Variants in ZMAT5 observed in about 807,000 individuals in gnomAD.
ZMAT5 encodes zinc finger matrin-type 5, also known as zinc finger matrin-type protein 5.
Under a neutral mutation model 28.0 loss-of-function variants are expected in ZMAT5, and 23 were observed. That is an observed-to-expected ratio of 0.82 (90% confidence interval 0.59 to 1.16). The LOEUF is 1.16. Ranked by LOEUF, ZMAT5 falls within the 50% of genes most tolerant of loss-of-function variation. The pLI is 0.00. For synonymous variants in ZMAT5, 76 were observed against 84.1 expected, an observed-to-expected ratio of 0.90 and a Z score of 0.52; for missense variants, 173 against 212.7, an observed-to-expected ratio of 0.81 and a Z score of 1.16.
intron 1 of ZMAT5, among the ~76,000 whole-genome samples, chr22:29,756,120 C>T (rs1445766233): frequency 6.6e-6 from 1 of 152,248 alleles, no homozygotes; most frequent in Non-Finnish European, 1.5e-5. Context: ...TTATCCTGGA[C>T]TTGTGCTCAC....
At chr22:29,748,025 TG>T (rs1366688798) in intron 2 of ZMAT5, 3 of 304,498 alleles carry the variant, frequency 9.9e-6, no homozygotes, top group Non-Finnish European at 2.0e-5. Context: ...AGAGCCAGCT[TG>T]AGCCCTACCA....
intron 1 of ZMAT5, among the ~76,000 whole-genome samples, chr22:29,752,492 C>G (rs2147230970): frequency 6.6e-6 from 1 of 152,296 alleles, no homozygotes; most frequent in Middle Eastern, 3.4e-3. Flanking sequence ...CACCCATCAT[C>G]TAGCACATGA....
At chr22:29,756,093 T>C (rs2068099182) in intron 1 of ZMAT5, among the ~76,000 whole-genome samples, 1 of 152,382 alleles carries the variant, frequency 6.6e-6, no homozygotes, top group South Asian at 2.1e-4. Flanking sequence ...GGCCAGGGGC[T>C]GGGATGTGCA....
Position 29,731,353 on chromosome 22 carries a change from C to A in ZMAT5, c.385G>T (p.Ala129Ser), listed in dbSNP as rs1224038080. 6.5e-7 allele frequency: 1 copy of A among 1,547,248 alleles called. No homozygotes were observed. The highest frequency in any genetic ancestry group is 1.3e-5 in the South Asian group (1 of 79,956). The change falls in exon 6 of 6, where the codon GCT becomes TCT. Residue 129 changes from alanine (A) to serine (S), a missense_variant and splice_region_variant. Physicochemically the swap from Ala to Ser is moderately conservative, Grantham distance 99 (BLOSUM62 1). Transcript: ENST00000344318. Reference protein sequence around the residue: ...KRLSSAPSSRAEPIRTTVFQY... With the variant: ...KRLSSAPSSRSEPIRTTVFQY... ...AAGACAGTGGTTCTGATGGGTTCAG[C>A]CCTAGAGAGAGAGAGAGAAGCGGGG...
At chr22:29,740,587 G>A (rs2067951975) in intron 4 of ZMAT5, 63 bp downstream of exon 4, 1 of 1,504,194 alleles carries the variant, frequency 6.6e-7, no homozygotes, top group African/African-American at 1.4e-5. Context: ...AGCTTCCCCG[G>A]TCTCAGAGCC....
At position 29,731,141 on chromosome 22, in the gene ZMAT5, G is replaced by T; in HGVS notation, c.*84C>A. On this transcript the variant is annotated 3_prime_UTR_variant, in exon 6 of 6. Transcript: ENST00000344318. ...GGGCAGATGGTCTCGGAGCCTCCAT[G>T]GGGCGTAGCAGGAACCGGGCTTGGC... 1 of 1,383,036 alleles carries T rather than the reference G, an allele frequency of 7.2e-7. No individual in the cohort carries two copies. The allele number at this position is 1,383,036 out of a possible 1,614,324, so 85.7% of individuals were successfully genotyped here. A position where few individuals can be genotyped will look rare whatever the true frequency, so the allele number is the denominator to read the frequency against.
chr22:29,751,072 T>A (rs1035054646), intron 1 of ZMAT5, among the ~76,000 whole-genome samples: 3 of 152,106 alleles, frequency 2.0e-5, no homozygotes, highest in Non-Finnish European at 4.4e-5. Flanking sequence ...AGGAATTGGA[T>A]TGAAATTGTA....
intron 1 of ZMAT5, among the ~76,000 whole-genome samples, chr22:29,753,786 A>G (rs2068075637): frequency 6.6e-6 from 1 of 151,974 alleles, no homozygotes; most frequent in African/African-American, 2.4e-5. Flanking sequence ...CATTCTACCT[A>G]CTTCACAGTC....
At chr22:29,766,410 T>C (rs532135349) in intron 1 of ZMAT5, among the ~76,000 whole-genome samples, 2 of 152,294 alleles carry the variant, frequency 1.3e-5, no homozygotes, top group East Asian at 3.9e-4. Context: ...ACCAAAGCAC[T>C]ATCTGTTTGC....
At chr22:29,739,816 C>T (rs967468841) in intron 4 of ZMAT5, among the ~76,000 whole-genome samples, 4 of 152,262 alleles carry the variant, frequency 2.6e-5, no homozygotes, top group African/African-American at 7.2e-5. Context: ...GTGTTGGTCC[C>T]GGGGCTGCAG....
chr22:29,743,192 C>T (rs528649487), intron 2 of ZMAT5, among the ~76,000 whole-genome samples: 2 of 152,236 alleles, frequency 1.3e-5, no homozygotes, highest in African/African-American at 2.4e-5. Flanking sequence ...AAATAAAATG[C>T]TAAAAATTTT....
intron 2 of ZMAT5, chr22:29,747,200 C>T (rs538959576): frequency 8.5e-5 from 13 of 152,272 alleles, no homozygotes; most frequent in African/African-American, 2.2e-4. Context: ...AGAGAGTTGT[C>T]GAGAAAAGCA....
At chr22:29,737,830 G>A (rs946791812) in intron 5 of ZMAT5, among the ~76,000 whole-genome samples, 10 of 152,172 alleles carry the variant, frequency 6.6e-5, no homozygotes, top group South Asian at 2.1e-4. Context: ...ACTTGTGAGC[G>A]TCCCGAGGGC....
chr22:29,752,338 A>G (rs544105298), intron 1 of ZMAT5, among the ~76,000 whole-genome samples: 2 of 152,132 alleles, frequency 1.3e-5, no homozygotes, highest in African/African-American at 4.8e-5. Flanking sequence ...ATGTGTGTGT[A>G]TATGTGTGGG....
chr22:29,741,675 G>A (rs2067963981), intron 3 of ZMAT5, among the ~76,000 whole-genome samples: 1 of 152,108 alleles, frequency 6.6e-6, no homozygotes, highest in Non-Finnish European at 1.5e-5. Flanking sequence ...AAGAGACAGG[G>A]TCCTCACTCT....
At chr22:29,755,885 C>A (rs1421928161) in intron 1 of ZMAT5, among the ~76,000 whole-genome samples, 1 of 152,232 alleles carries the variant, frequency 6.6e-6, no homozygotes, top group African/African-American at 2.4e-5. Context: ...CCAAGGCACA[C>A]CAGAGCTGGC....
chr22:29,746,331 T>G (rs1181850243), intron 2 of ZMAT5: 1 of 152,178 alleles, frequency 6.6e-6, no homozygotes, highest in Non-Finnish European at 1.5e-5. Flanking sequence ...GTATTTTTAG[T>G]AGAGGCAGGG....
At chr22:29,765,414 C>CA (rs201498551) in intron 1 of ZMAT5, among the ~76,000 whole-genome samples, 2,892 of 147,888 alleles carry the variant, frequency 0.02, 93 homozygotes, top group African/African-American at 0.068. Flanking sequence ...GACTCTGTCT[C>CA]AAAAAAAAAC....
intron 1 of ZMAT5, among the ~76,000 whole-genome samples, chr22:29,753,760 G>A (rs1433574825): frequency 1.3e-5 from 2 of 152,084 alleles, no homozygotes; most frequent in Admixed American, 1.3e-4. Context: ...GGATGGCATT[G>A]GGGTGAGGGG....
Sources: allele counts gnomAD v4.1 joint callset (sites outside exome capture counted in the v4.1 genomes callset), GRCh38; gene constraint gnomAD v4.1.1; transcripts MANE v1.5; gene names NCBI Gene and HGNC (gene_info 2026-07-23, HGNC 2026-07-21).